The following BBX variants were observed in gnomAD, a reference collection of about 807,000 sequenced individuals.
BBX encodes BBX high mobility group box domain containing.
BBX carries 30 observed loss-of-function variants against 100.2 expected under a neutral mutation model. The observed-to-expected ratio is 0.30, with a 90% CI of 0.22 to 0.41. BBX has a LOEUF of 0.41. Ranked by LOEUF, BBX falls within the 10% of genes least tolerant of loss-of-function variation. The pLI, the probability that BBX is intolerant of heterozygous loss-of-function variation, is 1.00. For missense variants in BBX, 1,023 were observed against 1,129.8 expected (o/e 0.91, Z 1.35); for synonymous variants, 376 against 388.1 (o/e 0.97, Z 0.37).
chr3:107,698,278 CT>C (rs2060796344), intron 3 of BBX, among the ~76,000 whole-genome samples: 1 of 151,560 alleles, frequency 6.6e-6, no homozygotes, highest in Non-Finnish European at 1.5e-5. Context: ...GAAAAATTAC[CT>C]TTTAAACTTT....
rs374666925 is a variant in BBX at position 107,750,610 on chromosome 3, C to T, written c.825+2571C>T. Among the ~76,000 whole-genome samples the T allele has an allele frequency of 9.7e-4, 147 of 152,308 alleles. 3 individuals are homozygous for T. In the South Asian group the frequency reaches 0.028, roughly 29 times the overall value. Reference sequence around the variant, plus strand: ...ACATAACCTCTCTCGTCACTTTCCTCCTCTGACCCAGCAGTACCCTAACTT... The same window carrying T: ...ACATAACCTCTCTCGTCACTTTCCTTCTCTGACCCAGCAGTACCCTAACTT... On this transcript the variant is annotated intron_variant, in intron 9 of 17. Coordinates refer to ENST00000325805, the MANE Select transcript of BBX (RefSeq NM_001142568.3).
Position 107,798,540 on chromosome 3 carries a change from A to G in BBX, c.2371A>G (p.Arg791Gly). 2 of 1,614,018 alleles carry G rather than the reference A, an allele frequency of 1.2e-6. No individual in the cohort carries two copies. Among genetic ancestry groups the G allele is most frequent in the Non-Finnish European group, 1.7e-6 (2 of 1,179,872 alleles). Reference protein sequence around the residue: ...HPTEAIFSEDRNTMEPVHKVK... With the variant: ...HPTEAIFSEDGNTMEPVHKVK... ...TATTTCAGCCATATTTTCAGAAGAC[A>G]GAAACACCATGGAGCCTGTTCATAA... is the stretch of plus-strand genomic sequence containing the variant. Residue 791 changes from arginine (R) to glycine (G), a missense_variant, in exon 16 of 18, where the codon AGA (arginine) becomes GGA (glycine). Physicochemically the swap from Arg to Gly is moderately radical, Grantham distance 125. This residue lies in a region of BBX where 215 missense variants were observed against 211.3 expected (regional missense o/e 1.02). Transcript: ENST00000325805.
At chr3:107,637,795 C>T (rs1374091532) in intron 2 of BBX, among the ~76,000 whole-genome samples, 12 of 152,152 alleles carry the variant, frequency 7.9e-5, no homozygotes, top group Admixed American at 7.2e-4. Flanking sequence ...TCCTACTTGG[C>T]GTCAGCTATG....
intron 5 of BBX, among the ~76,000 whole-genome samples, chr3:107,725,146 A>C (rs1409783331): frequency 3.9e-5 from 6 of 152,128 alleles, no homozygotes; most frequent in Non-Finnish European, 8.8e-5. Flanking sequence ...TTGGATTGCT[A>C]GGTATTTTAT....
chr3:107,682,308 A>G (rs1364055889), intron 3 of BBX, among the ~76,000 whole-genome samples: 1 of 152,142 alleles, frequency 6.6e-6, no homozygotes, highest in Admixed American at 6.6e-5. Flanking sequence ...ATTTTCCCCA[A>G]GTTATTTCTA....
intron 10 of BBX, among the ~76,000 whole-genome samples, chr3:107,758,481 G>T (rs2065654143): frequency 1.3e-5 from 2 of 152,100 alleles, no homozygotes; most frequent in South Asian, 4.1e-4. Context: ...GGTAGTCCTG[G>T]GGCAGTCTCA....
chr3:107,806,584 C>T lies in BBX; in HGVS notation c.*1127C>T, dbSNP rs1256396806. 1 of 152,116 alleles carries T rather than the reference C, an allele frequency of 6.6e-6. No homozygotes were observed. The highest frequency in any genetic ancestry group is 1.5e-5 in the Non-Finnish European group (1 of 68,028). 9.4% of individuals were successfully genotyped at this position (152,116 alleles called of 1,614,324 possible). ...CAATGATGAGGGAGGTATGCCTGACCAGAGTGGGACTCTCAGTCATAGATC... is the reference window on the plus strand; with the variant it reads ...CAATGATGAGGGAGGTATGCCTGACTAGAGTGGGACTCTCAGTCATAGATC... On this transcript the variant is annotated 3_prime_UTR_variant, in exon 18 of 18. Transcript: ENST00000325805.
At chr3:107,541,822 T>C (rs928960591) in intron 2 of BBX, among the ~76,000 whole-genome samples, 1 of 146,146 alleles carries the variant, frequency 6.8e-6, no homozygotes, top group Non-Finnish European at 1.5e-5. Context: ...ATTCTATAAT[T>C]TTTTTTTTTT....
intron 2 of BBX, among the ~76,000 whole-genome samples, chr3:107,630,338 A>T (rs2056467472): frequency 6.6e-6 from 1 of 152,168 alleles, no homozygotes; most frequent in Non-Finnish European, 1.5e-5. Context: ...GAGTAGTTAA[A>T]TGTCTCAGAG....
At chr3:107,798,860 A>C in intron 16 of BBX, 140 bp downstream of exon 16, 1 of 974,994 alleles carries the variant, frequency 1.0e-6, no homozygotes, top group Non-Finnish European at 1.5e-6. Context: ...ACAAAAACAA[A>C]AAAAACCAGG....
chr3:107,703,529 G>C (rs1323988298), intron 3 of BBX, among the ~76,000 whole-genome samples: 1 of 152,172 alleles, frequency 6.6e-6, no homozygotes, highest in South Asian at 2.1e-4. Context: ...GACCAGAACT[G>C]CCAGTACAGC....
chr3:107,728,976 A>G lies in BBX; in HGVS notation c.601+16A>G, dbSNP rs750938526. 47 of 1,608,944 alleles carry G rather than the reference A, an allele frequency of 2.9e-5. 1 individual carries two copies. In the South Asian group the frequency reaches 4.4e-4, roughly 15 times the overall value. ...GGAATGGCTGGTGAGTTGAGACACT[A>G]TTTCCACCTATTCTTTAAGGACAGG... On this transcript the variant is annotated intron_variant, in intron 6 of 17. Transcript: ENST00000325805.
intron 2 of BBX, among the ~76,000 whole-genome samples, chr3:107,527,594 A>AT (rs1189150787): frequency 6.6e-6 from 1 of 152,214 alleles, no homozygotes; most frequent in Non-Finnish European, 1.5e-5. Context: ...TGCATTGAAC[A>AT]TTTAGAAAAT....
intron 3 of BBX, among the ~76,000 whole-genome samples, chr3:107,678,315 A>G (rs1177286167): frequency 6.6e-6 from 1 of 152,056 alleles, no homozygotes; most frequent in Non-Finnish European, 1.5e-5. Context: ...TGAGGAGAGC[A>G]CTGGATTAAA....
intron 10 of BBX, among the ~76,000 whole-genome samples, chr3:107,760,034 C>A (rs966942655): frequency 2.6e-5 from 4 of 152,188 alleles, no homozygotes; most frequent in South Asian, 2.1e-4. Context: ...TTGATTCTCA[C>A]AACTATCCTC....
intron 2 of BBX, among the ~76,000 whole-genome samples, chr3:107,554,604 C>T (rs2049947098): frequency 6.6e-6 from 1 of 152,072 alleles, no homozygotes; most frequent in Non-Finnish European, 1.5e-5. Flanking sequence ...ATTTTTTATT[C>T]TTTAATTTAT....
At chr3:107,614,483 A>G (rs2055099250) in intron 2 of BBX, among the ~76,000 whole-genome samples, 1 of 152,096 alleles carries the variant, frequency 6.6e-6, no homozygotes, top group South Asian at 2.1e-4. Context: ...TAACCTAAAT[A>G]TACATGTGAC....
intron 13 of BBX, among the ~76,000 whole-genome samples, chr3:107,783,149 T>C (rs2068069972): frequency 6.6e-6 from 1 of 152,146 alleles, no homozygotes; most frequent in South Asian, 2.1e-4. Flanking sequence ...ACTATGCTGA[T>C]TGGCAGAAAT....
At position 107,809,914 on chromosome 3, in the gene BBX, T is replaced by C. The variant is rs1179507226; in HGVS notation, c.*4457T>C. 1 of 152,320 alleles carries C rather than the reference T, an allele frequency of 6.6e-6. No individual in the cohort carries two copies. The highest frequency in any genetic ancestry group is 2.1e-4 in the South Asian group (1 of 4,826). 9.4% of individuals were successfully genotyped at this position (152,320 alleles called of 1,614,324 possible). Reference sequence around the variant, plus strand: ...TAAAAATTATCTTATTTAGATTGACTAACAGCATACTTACAATTTTAAAAG... The same window carrying C: ...TAAAAATTATCTTATTTAGATTGACCAACAGCATACTTACAATTTTAAAAG... On this transcript the variant is annotated 3_prime_UTR_variant, in exon 18 of 18. Transcript: ENST00000325805.
Sources: allele counts gnomAD v4.1 joint callset (sites outside exome capture counted in the v4.1 genomes callset), GRCh38; gene constraint gnomAD v4.1.1; regional missense constraint gnomAD v4.1.1; transcripts MANE v1.5; gene names NCBI Gene and HGNC (gene_info 2026-07-23, HGNC 2026-07-21).